The following GPATCH1 variants were observed in gnomAD, a reference collection of about 807,000 sequenced individuals.
GPATCH1 encodes G patch domain-containing protein 1.
Under a neutral mutation model 114.9 loss-of-function variants are expected in GPATCH1, and 73 were observed. That is an observed-to-expected ratio of 0.64 (90% CI 0.53 to 0.77). The LOEUF is 0.77. Ranked by LOEUF, GPATCH1 falls within the 30% of genes least tolerant of loss-of-function variation. The pLI is 0.00. For synonymous variants in GPATCH1, 391 were observed against 428.4 expected (o/e 0.91, Z 1.08); for missense variants, 1,058 against 1,144.3 (o/e 0.92, Z 1.09).
intron 17 of GPATCH1, among the ~76,000 whole-genome samples, chr19:33,122,374 G>A (rs1229815223): frequency 6.6e-6 from 1 of 150,522 alleles, no homozygotes; most frequent in Non-Finnish European, 1.5e-5. Context: ...ACCCAGGCTG[G>A]AGTGCAGTGG....
At chr19:33,118,870 A>C in intron 16 of GPATCH1, 140 bp from the exon 17 acceptor site, 1 of 563,454 alleles carries the variant, frequency 1.8e-6, no homozygotes, top group Admixed American at 3.4e-5. Context: ...CTGCGTGTTC[A>C]CTGCTGCATC....
rs191368755 is a variant in GPATCH1 at position 33,106,219 on chromosome 19, G to A, written c.1081-476G>A. On this transcript the variant is annotated intron_variant, in intron 9 of 19. Transcript: ENST00000170564. ...GGGTCTCATTCTGTTGCCCAGGCTC[G>A]TCATGAACTCCCAGGCTCAAGCAGT... 1.6e-4 allele frequency among the ~76,000 whole-genome samples: 25 copies of A among 151,770 alleles called. No homozygotes were observed. In the East Asian group the frequency reaches 2.5e-3, roughly 15 times the overall value.
chr19:33,088,203 G>A lies in GPATCH1; in HGVS notation c.143G>A (p.Arg48Gln), dbSNP rs150368616. 46 of 1,596,246 alleles carry A rather than the reference G, an allele frequency of 2.9e-5. No individual in the cohort carries two copies. Among genetic ancestry groups the A allele is most frequent in the African/African-American group, 2.2e-4 (16 of 73,126 alleles). The change falls in exon 2 of 20, where the codon CGA becomes CAA. Residue 48 changes from arginine (R) to glutamine (Q), a missense_variant. By Grantham distance (43) the Arg-to-Gln change is conservative. Transcript: ENST00000170564. ...TVRDEKGRYKRFHGAFSGGFS... is the reference protein window; with the variant it reads ...TVRDEKGRYKQFHGAFSGGFS... ...AGAGATGAAAAAGGAAGGTATAAAC[G>A]ATTCCACGGGGCCTTTAGTGGAGGT...
Position 33,113,847 on chromosome 19 carries a change from C to T in GPATCH1, c.1973C>T (p.Ser658Phe). The T allele has an allele frequency of 6.2e-7, 1 of 1,614,044 alleles. No individual in the cohort carries two copies. The highest frequency in any genetic ancestry group is 8.5e-7 in the Non-Finnish European group (1 of 1,179,938). Residue 658 changes from serine (S) to phenylalanine (F), a missense_variant, in exon 14 of 20, where the codon TCC becomes TTC. By Grantham distance (155) the Ser-to-Phe change is radical. Around this residue, in one of 3 missense-constraint regions of GPATCH1, gnomAD observed 893 missense variants for 977.4 expected, o/e 0.91. Coordinates refer to ENST00000170564, the MANE Select transcript of GPATCH1 (RefSeq NM_018025.3). ...FNFLTLPETA[S>F]LPTTQASSEK... The stretch of plus-strand genomic sequence containing the variant: ...TTTCTGACGCTCCCAGAGACAGCTT[C>T]CTTGCCCACCACTCAAGCATCAAGT...
chr19:33,125,596 A>G (rs1331165631), intron 18 of GPATCH1, among the ~76,000 whole-genome samples: 2 of 151,812 alleles, frequency 1.3e-5, no homozygotes, highest in Admixed American at 6.6e-5. Context: ...ATGTTGGCCA[A>G]GCTGGTTTTG....
In GPATCH1 at chr19:33,118,060, C is replaced by T. The variant is rs372317325; in HGVS notation, c.2413+19C>T. 107 of 1,544,986 alleles carry T rather than the reference C, an allele frequency of 6.9e-5. No individual in the cohort carries two copies. Among genetic ancestry groups the T allele is most frequent in the Non-Finnish European group, 9.5e-5 (106 of 1,117,486 alleles). ...GCTCACGGTATGTCAGTATTTCAGA[C>T]TCGGGGATCTAAAGGAGAAGACAAT... On this transcript the variant is annotated intron_variant, in intron 16 of 19. Coordinates refer to ENST00000170564, the MANE Select transcript of GPATCH1 (RefSeq NM_018025.3).
Position 33,088,112 on chromosome 19 carries a change from CTTTTTTTTT to C in GPATCH1, c.74-11_74-3del. On this transcript the variant is annotated splice_polypyrimidine_tract_variant and intron_variant, in intron 1 of 19. Transcript: ENST00000170564. ...TCTCCTCTCTTTTTCATTTAAAAAA[CTTTTTTTTT>C]TTTTTTTTTTAGGTGAAAGACCAAA... The C allele has an allele frequency of 1.8e-6, 2 of 1,103,920 alleles. No homozygotes were observed. The highest frequency in any genetic ancestry group is 2.1e-5 in the South Asian group (1 of 47,386). 68.4% of individuals were successfully genotyped at this position (1,103,920 alleles called of 1,614,324 possible).
intron 13 of GPATCH1, chr19:33,113,371 G>A: frequency 6.1e-6 from 1 of 165,238 alleles, no homozygotes; most frequent in South Asian, 1.6e-4. Flanking sequence ...GAACCTGGGA[G>A]GCGGAGGTTG....
At chr19:33,102,541 C>A (rs1242158551) in intron 9 of GPATCH1, among the ~76,000 whole-genome samples, 1 of 151,398 alleles carries the variant, frequency 6.6e-6, no homozygotes, top group Non-Finnish European at 1.5e-5. Flanking sequence ...GGATTACAGG[C>A]GTGCACCACC....
chr19:33,089,548 A>G (rs1360002376), intron 2 of GPATCH1, among the ~76,000 whole-genome samples: 1 of 152,182 alleles, frequency 6.6e-6, no homozygotes, highest in Non-Finnish European at 1.5e-5. Context: ...GTGCTGCCAT[A>G]GTGAGCACGG....
chr19:33,124,932 G>A (rs954453747), intron 17 of GPATCH1, among the ~76,000 whole-genome samples, 173 bp from the exon 18 acceptor site: 6 of 152,138 alleles, frequency 3.9e-5, no homozygotes, highest in African/African-American at 1.4e-4. Flanking sequence ...GCAAGGTGGT[G>A]TGCTAATCTG....
Position 33,110,048 on chromosome 19 carries a change from G to A in GPATCH1, c.1585+32G>A, listed in dbSNP as rs374523712. On this transcript the variant is annotated intron_variant, in intron 11 of 19. Transcript: ENST00000170564. ...GCTGGGCCTGGGTGTCCCAAATCTC[G>A]GCCCGGGCGGGGTCATATTCTCACT... The A allele has an allele frequency of 2.9e-4, 449 of 1,549,396 alleles. 1 individual carries two copies. The highest frequency in any genetic ancestry group is 3.4e-4 in the Non-Finnish European group (384 of 1,140,662).
In GPATCH1 at chr19:33,090,777, C is replaced by A; in HGVS notation, c.209-3C>A. 6.3e-7 allele frequency: 1 copy of A among 1,583,492 alleles called. No individual in the cohort carries two copies. The highest frequency in any genetic ancestry group is 8.6e-7 in the Non-Finnish European group (1 of 1,158,124). The stretch of plus-strand genomic sequence containing the variant: ...GTAAAGTTCTAAACTCTTTTTTTTT[C>A]AGGATGGACACCCTCTACCTTTGTG... On this transcript the variant is annotated splice_region_variant and splice_polypyrimidine_tract_variant and intron_variant, in intron 2 of 19. Transcript: ENST00000170564.
chr19:33,118,943 T>A lies in GPATCH1; in HGVS notation c.2414-67T>A. 3 of 923,154 alleles carry A rather than the reference T, an allele frequency of 3.2e-6. No homozygotes were observed. The South Asian group carries it at 4.7e-5, about 14-fold the overall frequency. The allele number at this position is 923,154 out of a possible 1,614,324, so 57.2% of individuals were successfully genotyped here. ...ATATGTTATCTGGTGGCAAAAGACA[T>A]GAATGAAAGACTCAGAGACATTAAC... On this transcript the variant is annotated intron_variant, in intron 16 of 19. Coordinates refer to ENST00000170564, the MANE Select transcript of GPATCH1 (RefSeq NM_018025.3).
At chr19:33,117,582 C>T (rs1162082546) in intron 15 of GPATCH1, among the ~76,000 whole-genome samples, 1 of 152,168 alleles carries the variant, frequency 6.6e-6, no homozygotes, top group Non-Finnish European at 1.5e-5. Context: ...GGGTGAGCCA[C>T]CACGCCTGGC....
At chr19:33,127,194 T>G (rs532639677) in intron 19 of GPATCH1, among the ~76,000 whole-genome samples, 2 of 151,800 alleles carry the variant, frequency 1.3e-5, no homozygotes, top group African/African-American at 4.8e-5. Flanking sequence ...GAATATCTAA[T>G]TATGTAAGTG....
chr19:33,115,682 C>T (rs1599863824), intron 15 of GPATCH1, among the ~76,000 whole-genome samples: 3 of 151,156 alleles, frequency 2.0e-5, no homozygotes, highest in South Asian at 2.1e-4. Flanking sequence ...TTAGTAGAGA[C>T]GGGGTTTCTC....
At chr19:33,097,949 A>C in intron 8 of GPATCH1, 47 bp downstream of exon 8, 1 of 1,582,426 alleles carries the variant, frequency 6.3e-7, no homozygotes, top group East Asian at 2.2e-5. Context: ...GTGTCAGGGT[A>C]TCAGGAAGGA....
chr19:33,081,590 A>C (rs1972477161), intron 1 of GPATCH1, among the ~76,000 whole-genome samples: 1 of 152,086 alleles, frequency 6.6e-6, no homozygotes, highest in Non-Finnish European at 1.5e-5. Flanking sequence ...CTCAGACTTG[A>C]AACCGAGGAA....
Sources: allele counts gnomAD v4.1 joint callset (sites outside exome capture counted in the v4.1 genomes callset), GRCh38; gene constraint gnomAD v4.1.1; regional missense constraint gnomAD v4.1.1; transcripts MANE v1.5; gene names NCBI Gene and HGNC (gene_info 2026-07-23, HGNC 2026-07-21).